The following CEP85L variants were observed in gnomAD, a reference collection of about 807,000 sequenced individuals.
CEP85L encodes the protein centrosomal protein 85L, also known as centrosomal protein of 85 kDa-like.
In CEP85L, 60 loss-of-function variants were observed where a neutral mutation model predicts 100.3. The observed-to-expected ratio is 0.60, with a 90% CI of 0.49 to 0.74. The LOEUF (loss-of-function observed/expected upper bound fraction) is 0.74, where lower values mean the gene tolerates loss of function less well. Among genes scored for constraint, CEP85L ranks in the 30% least tolerant of loss-of-function variants. The pLI, the probability that CEP85L is intolerant of heterozygous loss-of-function variation, is 0.00. For synonymous variants in CEP85L, 319 were observed against 322.7 expected (o/e 0.99, Z 0.12); for missense variants, 973 against 936.2 (o/e 1.04, Z -0.51).
chr6:118,632,594 C>T lies in CEP85L; in HGVS notation c.91G>A (p.Ala31Thr), dbSNP rs1020174750. 1.9e-6 allele frequency: 3 copies of T among 1,610,088 alleles called. No homozygotes were observed. The highest frequency in any genetic ancestry group is 1.6e-4 in the Middle Eastern group (1 of 6,078). ...SFPAGPDYSS[A>T]WLPANESLWQ... Reference sequence around the variant, plus strand: ...AATGATTCATTAGCAGGTAGCCATGCTGATGAATAATCTGGGCCTAAAAAG... The same window carrying T: ...AATGATTCATTAGCAGGTAGCCATGTTGATGAATAATCTGGGCCTAAAAAG... The change falls in exon 2 of 13, where the codon GCA (alanine) becomes ACA (threonine). Residue 31 changes from alanine to threonine, a missense_variant. This residue lies in a region of CEP85L where 79 missense variants were observed against 73.3 expected (regional missense o/e 1.08). Coordinates refer to ENST00000368491, the MANE Select transcript of CEP85L (RefSeq NM_001042475.3).
intron 3 of CEP85L, chr6:118,559,483 C>T (rs1779101267): frequency 1.3e-5 from 3 of 234,982 alleles, no homozygotes; most frequent in South Asian, 6.4e-5. Flanking sequence ...AATGTAAAAG[C>T]TTCTTTAATA....
intron 4 of CEP85L, among the ~76,000 whole-genome samples, chr6:118,518,231 C>G (rs144908931): frequency 0.027 from 4,102 of 152,170 alleles, 190 homozygotes; most frequent in African/African-American, 0.093. Flanking sequence ...TCATCAGGAT[C>G]ATGCTGGCCT....
chr6:118,561,153 A>G (rs1779200745), intron 3 of CEP85L, among the ~76,000 whole-genome samples: 1 of 152,166 alleles, frequency 6.6e-6, no homozygotes, highest in South Asian at 2.1e-4. Context: ...AAGGGCAGAG[A>G]TTTCTTAAGT....
chr6:118,643,824 G>A (rs991845091), intron 1 of CEP85L, among the ~76,000 whole-genome samples: 2 of 152,172 alleles, frequency 1.3e-5, no homozygotes, highest in African/African-American at 4.8e-5. Flanking sequence ...ATTCTGAGGG[G>A]CGAGAACACT....
chr6:118,630,432 A>T (rs537824970), intron 2 of CEP85L, among the ~76,000 whole-genome samples: 3 of 152,170 alleles, frequency 2.0e-5, no homozygotes, highest in Non-Finnish European at 4.4e-5. Context: ...GAACCTCATC[A>T]TTCTTCAGCT....
chr6:118,595,487 C>T (rs1165353101), intron 2 of CEP85L, among the ~76,000 whole-genome samples: 1 of 152,112 alleles, frequency 6.6e-6, no homozygotes, highest in African/African-American at 2.4e-5. Context: ...TCATGTAATC[C>T]TCTCCTCCAT....
At position 118,476,681 on chromosome 6, in the gene CEP85L, G is replaced by T. The variant is rs77613733; in HGVS notation, c.1914+3190C>A. Among the ~76,000 whole-genome samples the T allele has an allele frequency of 6.0e-3, 918 of 152,252 alleles. 14 individuals carry two copies. Among genetic ancestry groups the T allele is most frequent in the African/African-American group, 0.02 (819 of 41,534 alleles). ...TTTTCTTAGGCTGTGGGAACATCTC[G>T]ATGTGTTATAAATAGAACAGACTGT... On this transcript the variant is annotated intron_variant, in intron 10 of 12. Coordinates refer to ENST00000368491, the MANE Select transcript of CEP85L (RefSeq NM_001042475.3).
chr6:118,464,183 T>C lies in CEP85L; in HGVS notation c.*1222A>G, dbSNP rs1257967970. ...ATGCTGAAGGCAATAAAATGTATAA[T>C]CCTTCCAAAATACCAACAGAAACAT... On this transcript the variant is annotated 3_prime_UTR_variant, in exon 13 of 13. Coordinates refer to ENST00000368491, the MANE Select transcript of CEP85L (RefSeq NM_001042475.3). 1.3e-5 allele frequency: 2 copies of C among 152,178 alleles called. No individual in the cohort carries two copies. 9.4% of individuals were successfully genotyped at this position (152,178 alleles called of 1,614,324 possible). A position where few individuals can be genotyped will look rare whatever the true frequency, so the allele number is the denominator to read the frequency against.
chr6:118,614,865 C>CAGATAGATAGAT (rs57663206), intron 2 of CEP85L, among the ~76,000 whole-genome samples: 105 of 149,974 alleles, frequency 7.0e-4, no homozygotes, highest in East Asian at 1.8e-3. Context: ...GACAGACAGA[C>CAGATAGATAGAT]AGATAGATAG....
chr6:118,600,356 TGTGTGTGTGTGTGTAA>T (rs1781714187), intron 2 of CEP85L, among the ~76,000 whole-genome samples: 1 of 137,690 alleles, frequency 7.3e-6, no homozygotes, highest in Non-Finnish European at 1.6e-5. Context: ...TGTGTGTGTG[TGTGTGTGTGTGTGTAA>T]CGCCATGGAG....
At chr6:118,648,527 G>A (rs1271743653) in intron 1 of CEP85L, among the ~76,000 whole-genome samples, 1 of 152,108 alleles carries the variant, frequency 6.6e-6, no homozygotes, top group East Asian at 1.9e-4. Flanking sequence ...GGATCACGAG[G>A]TCAGGAGATC....
intron 1 of CEP85L, among the ~76,000 whole-genome samples, chr6:118,707,150 C>T (rs1777615768): frequency 6.6e-6 from 1 of 151,714 alleles, no homozygotes; most frequent in Non-Finnish European, 1.5e-5. Flanking sequence ...CTGGTCCCAG[C>T]AGTCCTCCTG....
At chr6:118,647,416 AACG>A (rs1455114329) in intron 1 of CEP85L, among the ~76,000 whole-genome samples, 6 of 152,332 alleles carry the variant, frequency 3.9e-5, no homozygotes, top group African/African-American at 1.4e-4. Flanking sequence ...GCTGGAGTGC[AACG>A]ACATGATCTC....
intron 1 of CEP85L, among the ~76,000 whole-genome samples, chr6:118,674,502 C>T (rs544770177): frequency 9.5e-5 from 14 of 147,986 alleles, no homozygotes; most frequent in East Asian, 4.0e-4. Flanking sequence ...CCAGCCTGGG[C>T]GGCAGGGTAA....
At chr6:118,616,063 T>C (rs1486706134) in intron 2 of CEP85L, among the ~76,000 whole-genome samples, 1 of 151,844 alleles carries the variant, frequency 6.6e-6, no homozygotes, top group African/African-American at 2.4e-5. Context: ...CACACATATA[T>C]AAAAAATTAA....
rs113655635 is a variant in CEP85L, at chr6:118,462,081, G to A, written c.*3324C>T. On this transcript the variant is annotated 3_prime_UTR_variant, in exon 13 of 13. Coordinates refer to ENST00000368491, the MANE Select transcript of CEP85L (RefSeq NM_001042475.3). ...AAAGAATTACTTTATAAGCTCCTTA[G>A]TATATCAGAAATGTATGACATTCAT... The A allele has an allele frequency of 3.4e-3, 516 of 152,048 alleles. 4 individuals carry two copies. The highest frequency in any genetic ancestry group is 0.012 in the African/African-American group (499 of 41,532). 9.4% of individuals were successfully genotyped at this position (152,048 alleles called of 1,614,324 possible). A position where few individuals can be genotyped will look rare whatever the true frequency, so the allele number is the denominator to read the frequency against.
intron 5 of CEP85L, 125 bp from the exon 6 acceptor site, chr6:118,491,990 TA>T: frequency 1.8e-6 from 1 of 569,024 alleles, no homozygotes; most frequent in Non-Finnish European, 2.9e-6. Context: ...CACCTTGATT[TA>T]AATTCCAGCT....
intron 2 of CEP85L, among the ~76,000 whole-genome samples, chr6:118,605,015 A>G (rs1438400917): frequency 6.6e-6 from 1 of 152,196 alleles, no homozygotes; most frequent in Non-Finnish European, 1.5e-5. Flanking sequence ...CATACAACAC[A>G]TATTAATACA....
At chr6:118,473,923 G>A (rs747953004) in intron 10 of CEP85L, among the ~76,000 whole-genome samples, 18 of 150,508 alleles carry the variant, frequency 1.2e-4, no homozygotes, top group Non-Finnish European at 1.8e-4. Context: ...TTTGGTGGTG[G>A]GGAGATAAGA....
Sources: gnomAD v4.1 joint callset for allele counts (sites outside exome capture counted in the v4.1 genomes callset) on GRCh38, gnomAD v4.1.1 for gene constraint, gnomAD v4.1.1 regional missense constraint, MANE v1.5 for transcripts, NCBI Gene and HGNC (gene_info 2026-07-23, HGNC 2026-07-21) for gene names.